The following AUTS2 variants were observed in gnomAD, a reference collection of about 807,000 sequenced individuals.
AUTS2 encodes the protein activator of transcription and developmental regulator AUTS2.
Under a neutral mutation model 112.4 loss-of-function variants are expected in AUTS2, and 17 were observed. That is an observed-to-expected ratio of 0.15 (90% confidence interval 0.10 to 0.23). The LOEUF (loss-of-function observed/expected upper bound fraction) is 0.23. AUTS2 is among the 10% of genes least tolerant of loss of function. AUTS2 has a pLI of 1.00. For missense variants in AUTS2, 1,510 were observed against 1,701.6 expected, an observed-to-expected ratio of 0.89 and a Z score of 1.98; for synonymous variants, 751 against 702.7, an observed-to-expected ratio of 1.07 and a Z score of -1.09.
chr7:70,208,336 G>A (rs1810683929), intron 4 of AUTS2, among the ~76,000 whole-genome samples: 1 of 152,170 alleles, frequency 6.6e-6, no homozygotes, highest in Admixed American at 6.5e-5. Flanking sequence ...ATGACCCCAT[G>A]ACATCACTAT....
At chr7:70,016,103 G>C (rs936203809) in intron 2 of AUTS2, among the ~76,000 whole-genome samples, 3 of 152,082 alleles carry the variant, frequency 2.0e-5, no homozygotes, top group South Asian at 2.1e-4. Flanking sequence ...AACAACAAAG[G>C]CTGTAAATTA....
chr7:70,458,732 T>C (rs979560639), intron 5 of AUTS2, among the ~76,000 whole-genome samples: 2 of 152,194 alleles, frequency 1.3e-5, no homozygotes, highest in African/African-American at 4.8e-5. Flanking sequence ...ACTTTAGGAA[T>C]AAACCCAAAC....
intron 5 of AUTS2, among the ~76,000 whole-genome samples, chr7:70,472,031 A>G (rs184804346): frequency 6.6e-6 from 1 of 152,154 alleles, no homozygotes; most frequent in Non-Finnish European, 1.5e-5. Flanking sequence ...CCATTCAGTT[A>G]CTCAAGTGGG....
In AUTS2 at chr7:70,587,638, G is replaced by A. The variant is rs79671444; in HGVS notation, c.691-110931G>A. Among the ~76,000 whole-genome samples, 847 of 152,306 alleles carry A rather than the reference G, an allele frequency of 5.6e-3. 3 individuals are homozygous for A. Among genetic ancestry groups the A allele is most frequent in the Non-Finnish European group, 9.0e-3 (612 of 68,036 alleles). On this transcript the variant is annotated intron_variant, in intron 5 of 18. Transcript: ENST00000342771. Reference sequence around the variant, plus strand: ...CATGCTGCATCCCAGGCACTTTGGTGCAGCACTTTACATGACTTTCTGTCT... The same window carrying A: ...CATGCTGCATCCCAGGCACTTTGGTACAGCACTTTACATGACTTTCTGTCT...
intron 2 of AUTS2, among the ~76,000 whole-genome samples, chr7:70,096,012 C>T (rs1282000030): frequency 6.6e-6 from 1 of 152,134 alleles, no homozygotes; most frequent in Admixed American, 6.5e-5. Context: ...TTATAACTTC[C>T]TCTTCACTGG....
intron 5 of AUTS2, among the ~76,000 whole-genome samples, chr7:70,632,068 G>T (rs1805291189): frequency 6.6e-6 from 1 of 151,922 alleles, no homozygotes; most frequent in Non-Finnish European, 1.5e-5. Flanking sequence ...CTGCTGGCAG[G>T]TCAGAGGGGG....
At chr7:69,826,991 C>T (rs1791277902) in intron 1 of AUTS2, among the ~76,000 whole-genome samples, 2 of 152,158 alleles carry the variant, frequency 1.3e-5, no homozygotes, top group Admixed American at 1.3e-4. Flanking sequence ...CATGTCAGCT[C>T]TGTCTTTATT....
At chr7:70,668,812 G>A (rs1807483091) in intron 5 of AUTS2, among the ~76,000 whole-genome samples, 1 of 152,222 alleles carries the variant, frequency 6.6e-6, no homozygotes, top group Non-Finnish European at 1.5e-5. Context: ...TTGTCAGAAT[G>A]GTGCCAGGGG....
chr7:70,251,663 T>C (rs1027408830), intron 4 of AUTS2, among the ~76,000 whole-genome samples: 12 of 152,214 alleles, frequency 7.9e-5, no homozygotes, highest in Non-Finnish European at 2.9e-5. Context: ...ATTTCTGTAC[T>C]ACATTCCAGA....
chr7:69,773,172 T>C (rs11765886), intron 1 of AUTS2, among the ~76,000 whole-genome samples: 100,935 of 151,900 alleles, frequency 0.66, 33,770 homozygotes, highest in East Asian at 0.78. Context: ...CAGTGTCTCT[T>C]GCCTTACATG....
chr7:69,910,869 G>A (rs567268715), intron 2 of AUTS2, among the ~76,000 whole-genome samples: 19 of 152,182 alleles, frequency 1.2e-4, no homozygotes, highest in South Asian at 4.2e-4. Flanking sequence ...CTCGTGATCC[G>A]CCCGCCTCGG....
chr7:69,994,912 A>G (rs1241392623), intron 2 of AUTS2, among the ~76,000 whole-genome samples: 1 of 152,072 alleles, frequency 6.6e-6, no homozygotes, highest in Non-Finnish European at 1.5e-5. Flanking sequence ...GATAGCATCA[A>G]CTCGCCCTTT....
At chr7:70,471,641 A>G (rs2115902095) in intron 5 of AUTS2, among the ~76,000 whole-genome samples, 1 of 152,282 alleles carries the variant, frequency 6.6e-6, no homozygotes, top group Middle Eastern at 3.4e-3. Context: ...GGGGAGAGAT[A>G]GACAAAAACG....
intron 1 of AUTS2, among the ~76,000 whole-genome samples, chr7:69,813,480 G>C (rs552938801): frequency 1.3e-5 from 2 of 152,338 alleles, no homozygotes; most frequent in Admixed American, 6.5e-5. Context: ...CCATTGGATA[G>C]ATGGCTGATG....
intron 5 of AUTS2, among the ~76,000 whole-genome samples, chr7:70,442,033 A>G (rs1355077454): frequency 1.3e-5 from 2 of 152,120 alleles, no homozygotes; most frequent in Non-Finnish European, 2.9e-5. Context: ...AATAGGATAT[A>G]TTTTGGTCAG....
intron 1 of AUTS2, among the ~76,000 whole-genome samples, chr7:69,694,813 T>C (rs941253581): frequency 2.6e-5 from 4 of 152,226 alleles, no homozygotes; most frequent in Non-Finnish European, 5.9e-5. Context: ...ATTTATAGTT[T>C]GACTGTAGGT....
At chr7:69,819,138 T>C (rs1790881262) in intron 1 of AUTS2, among the ~76,000 whole-genome samples, 1 of 152,200 alleles carries the variant, frequency 6.6e-6, no homozygotes, top group South Asian at 2.1e-4. Context: ...TGGCTTGTGA[T>C]GGAAATGACT....
chr7:70,264,270 C>T (rs530063143), intron 4 of AUTS2, among the ~76,000 whole-genome samples: 2 of 152,136 alleles, frequency 1.3e-5, no homozygotes, highest in Non-Finnish European at 2.9e-5. Flanking sequence ...TACAGTGGCA[C>T]GATCTTGGCT....
chr7:70,267,067 A>G (rs773685463), intron 4 of AUTS2, among the ~76,000 whole-genome samples: 11 of 152,204 alleles, frequency 7.2e-5, no homozygotes, highest in Non-Finnish European at 1.3e-4. Flanking sequence ...TTGCAAATCA[A>G]ATCATATCTG....
Sources: allele counts gnomAD v4.1 joint callset (sites outside exome capture counted in the v4.1 genomes callset), GRCh38; gene constraint gnomAD v4.1.1; transcripts MANE v1.5; gene names NCBI Gene and HGNC (gene_info 2026-07-23, HGNC 2026-07-21).